E2F3: variants seen among roughly 807,000 people sequenced by gnomAD.
The protein encoded by E2F3 is transcription factor E2F3.
Under a neutral mutation model 44.4 loss-of-function variants are expected in E2F3, and 11 were observed. That is an observed-to-expected ratio of 0.25 (90% CI 0.16 to 0.41). The LOEUF (loss-of-function observed/expected upper bound fraction) is 0.41, where lower values mean the gene tolerates loss of function less well. E2F3 is among the 10% of genes least tolerant of loss of function. The probability of loss-of-function intolerance (pLI) is 1.00; values close to 1 mark genes in which losing one functional copy is unlikely to be tolerated. For synonymous variants in E2F3, 249 were observed against 253.0 expected (o/e 0.98, Z 0.15); for missense variants, 487 against 583.6 (o/e 0.83, Z 1.70).
intron 1 of E2F3, among the ~76,000 whole-genome samples, chr6:20,472,671 A>G (rs979875301): frequency 2.0e-5 from 3 of 152,134 alleles, no homozygotes; most frequent in African/African-American, 7.2e-5. Context: ...GTCTCTAAAA[A>G]AATAAAAAAT....
At position 20,416,289 on chromosome 6, in the gene E2F3, G is replaced by C. The variant is rs144919001; in HGVS notation, c.393+13664G>C. On this transcript the variant is annotated intron_variant, in intron 1 of 6. Transcript: ENST00000346618. ...ATTTTCCTTGCTCACCTATACCCAC[G>C]CTGGCCCCAGTTTCAACCACAGGGC... 5.3e-3 allele frequency among the ~76,000 whole-genome samples: 807 copies of C among 152,140 alleles called. 5 individuals are homozygous for C. Among genetic ancestry groups the C allele is most frequent in the African/African-American group, 0.017 (714 of 41,514 alleles).
intron 1 of E2F3, among the ~76,000 whole-genome samples, chr6:20,466,845 C>T (rs1761730543): frequency 6.6e-6 from 1 of 152,086 alleles, no homozygotes; most frequent in Non-Finnish European, 1.5e-5. Context: ...CCACGCCCAG[C>T]CAATTTTTGT....
Position 20,402,523 on chromosome 6 carries a change from C to T in E2F3, c.291C>T (p.Ser97=). Residue 97 remains serine (S), a synonymous_variant, in exon 1 of 7, where the codon AGC becomes AGT. Transcript: ENST00000346618. The surrounding 1 kb of genome is among the most constrained non-coding windows in gnomAD (Gnocchi z 5.6). ...SAPGAEQTAG[S]LLYTTPHGPS... ...CCGGCGCGGAGCAGACCGCCGGCAGCCTCCTCTACACCACGCCGCACGGAC... is the reference window on the plus strand; with the variant it reads ...CCGGCGCGGAGCAGACCGCCGGCAGTCTCCTCTACACCACGCCGCACGGAC... 1 of 1,601,030 alleles carries T rather than the reference C, an allele frequency of 6.2e-7. No individual in the cohort carries two copies. Among genetic ancestry groups the T allele is most frequent in the East Asian group, 2.2e-5 (1 of 44,686 alleles).
At chr6:20,414,780 G>A in intron 1 of E2F3, among the ~76,000 whole-genome samples, 1 of 152,150 alleles carries the variant, frequency 6.6e-6, no homozygotes, top group East Asian at 1.9e-4. Flanking sequence ...TAGTCTCTAG[G>A]AGGCAAGGTT....
chr6:20,471,296 A>C (rs895546009), intron 1 of E2F3, among the ~76,000 whole-genome samples: 4 of 152,206 alleles, frequency 2.6e-5, no homozygotes, highest in Non-Finnish European at 5.9e-5. Context: ...TATGTTGCAC[A>C]TATAGGCCGG....
intron 1 of E2F3, among the ~76,000 whole-genome samples, chr6:20,442,942 C>T (rs879645671): frequency 1.3e-5 from 2 of 150,764 alleles, no homozygotes; most frequent in Non-Finnish European, 2.9e-5. Flanking sequence ...TGCACTCCAG[C>T]CTGGGCGACA....
chr6:20,429,626 G>T (rs1581591033), intron 1 of E2F3, among the ~76,000 whole-genome samples: 1 of 152,124 alleles, frequency 6.6e-6, no homozygotes, highest in South Asian at 2.1e-4. Flanking sequence ...GAAGGACAAA[G>T]TTGGAGAGGA....
chr6:20,466,972 G>T (rs901297989), intron 1 of E2F3, among the ~76,000 whole-genome samples: 1 of 152,144 alleles, frequency 6.6e-6, no homozygotes, highest in Non-Finnish European at 1.5e-5. Flanking sequence ...GAACAACCGC[G>T]CCCGGCCCAG....
intron 1 of E2F3, among the ~76,000 whole-genome samples, chr6:20,420,020 C>CA (rs1475583606): frequency 6.6e-6 from 1 of 152,200 alleles, no homozygotes; most frequent in African/African-American, 2.4e-5. Flanking sequence ...CGCATGCCAT[C>CA]ACACCCGGCT....
At chr6:20,438,457 A>T (rs1461641923) in intron 1 of E2F3, among the ~76,000 whole-genome samples, 1 of 152,176 alleles carries the variant, frequency 6.6e-6, no homozygotes, top group African/African-American at 2.4e-5. Flanking sequence ...TTAAAGCATT[A>T]TCTCCGGTGC....
intron 6 of E2F3, 63 bp downstream of exon 6, chr6:20,488,311 G>C (rs1364163139): frequency 2.0e-5 from 30 of 1,509,228 alleles, no homozygotes; most frequent in Non-Finnish European, 2.6e-5. Context: ...AGAACCATCT[G>C]TATTGGAACC....
chr6:20,424,697 A>G (rs1265667217), intron 1 of E2F3, among the ~76,000 whole-genome samples: 1 of 152,132 alleles, frequency 6.6e-6, no homozygotes, highest in African/African-American at 2.4e-5. Flanking sequence ...GTTATAAGAA[A>G]AAAAACTCTC....
At chr6:20,455,714 C>T (rs1212079003) in intron 1 of E2F3, among the ~76,000 whole-genome samples, 1 of 152,156 alleles carries the variant, frequency 6.6e-6, no homozygotes, top group African/African-American at 2.4e-5. Flanking sequence ...TTTGCACTGG[C>T]CCTGGGGCAA....
intron 1 of E2F3, chr6:20,421,761 T>C (rs940317659): frequency 6.6e-6 from 1 of 152,342 alleles, no homozygotes; most frequent in Non-Finnish European, 1.5e-5. Context: ...GCCATATTGA[T>C]GCCGAACTTA....
intron 1 of E2F3, chr6:20,403,589 G>T (rs890340170): frequency 4.6e-5 from 21 of 455,044 alleles, no homozygotes; most frequent in Admixed American, 3.6e-4. Context: ...GGGAGGGGGC[G>T]CTGGAGGGGG....
intron 1 of E2F3, among the ~76,000 whole-genome samples, chr6:20,415,060 A>G (rs1483399332): frequency 6.6e-6 from 1 of 152,180 alleles, no homozygotes; most frequent in Non-Finnish European, 1.5e-5. Context: ...AGTACTTGTC[A>G]AATCTGAACT....
At chr6:20,487,156 T>C (rs1762420579) in intron 5 of E2F3, among the ~76,000 whole-genome samples, 2 of 152,222 alleles carry the variant, frequency 1.3e-5, no homozygotes, top group South Asian at 2.1e-4. Flanking sequence ...CACGAACAGA[T>C]ATATAAATGT....
chr6:20,478,044 T>A (rs1009961149), intron 1 of E2F3, among the ~76,000 whole-genome samples: 36 of 150,980 alleles, frequency 2.4e-4, no homozygotes, highest in East Asian at 1.8e-3. Flanking sequence ...AAAAAAAAAA[T>A]TTAAATTAGC....
intron 1 of E2F3, among the ~76,000 whole-genome samples, chr6:20,449,466 A>G (rs1187285688): frequency 6.6e-6 from 1 of 152,186 alleles, no homozygotes; most frequent in African/African-American, 2.4e-5. Context: ...CACTCTTTCA[A>G]TCTTCTGCTA....
Sources: gnomAD v4.1 joint callset for allele counts (sites outside exome capture counted in the v4.1 genomes callset) on GRCh38, gnomAD v4.1.1 for gene constraint, Gnocchi (gnomAD v3.1) non-coding constraint, MANE v1.5 for transcripts, NCBI Gene and HGNC (gene_info 2026-07-23, HGNC 2026-07-21) for gene names.